The following BMPR1A variants were observed in gnomAD, a reference collection of about 807,000 sequenced individuals.
The protein encoded by BMPR1A is bone morphogenetic protein receptor type 1A, also known as bone morphogenetic protein receptor type-1A.
Under a neutral mutation model 66.0 loss-of-function variants are expected in BMPR1A, and 7 were observed. The observed-to-expected ratio is 0.11, with a 90% CI of 0.06 to 0.20. The LOEUF is 0.20. Among genes scored for constraint, BMPR1A ranks in the 10% least tolerant of loss-of-function variants. The pLI is 1.00. For synonymous variants in BMPR1A, 200 were observed against 229.7 expected (o/e 0.87, Z 1.17); for missense variants, 408 against 669.1 (o/e 0.61, Z 4.31).
At chr10:86,791,160 A>C (rs1185098885) in intron 1 of BMPR1A, among the ~76,000 whole-genome samples, 1 of 152,204 alleles carries the variant, frequency 6.6e-6, no homozygotes, top group Admixed American at 6.5e-5. Context: ...CCCAACTGAC[A>C]GAATTCCTTT....
chr10:86,837,253 G>GTGTGTGTGTGTC (rs1554883402), intron 1 of BMPR1A, among the ~76,000 whole-genome samples: 1 of 134,328 alleles, frequency 7.4e-6, no homozygotes, highest in Non-Finnish European at 1.7e-5. Context: ...GTGTCTGTGT[G>GTGTGTGTGTGTC]TGTGTGTGTG....
At chr10:86,838,266 C>A (rs1055686794) in intron 1 of BMPR1A, among the ~76,000 whole-genome samples, 3 of 152,240 alleles carry the variant, frequency 2.0e-5, no homozygotes, top group Admixed American at 6.5e-5. Flanking sequence ...TTTAATAGTT[C>A]TATCTTTTAG....
chr10:86,760,662 T>G (rs1289937175), intron 1 of BMPR1A, among the ~76,000 whole-genome samples: 2 of 152,110 alleles, frequency 1.3e-5, no homozygotes, highest in African/African-American at 4.8e-5. Context: ...ACAGTAGCTG[T>G]TGAACTGTCC....
intron 3 of BMPR1A, among the ~76,000 whole-genome samples, chr10:86,880,527 TA>T (rs1410187743): frequency 6.6e-6 from 1 of 152,228 alleles, no homozygotes; most frequent in Non-Finnish European, 1.5e-5. Context: ...ACCCAGGGCT[TA>T]AAACAGTGGC....
At chr10:86,764,799 C>CT (rs1841136951) in intron 1 of BMPR1A, among the ~76,000 whole-genome samples, 1 of 152,162 alleles carries the variant, frequency 6.6e-6, no homozygotes, top group South Asian at 2.1e-4. Flanking sequence ...TGTGGCTAGT[C>CT]TAAGTGTGAA....
At chr10:86,878,846 CCCCAAACAAAAT>C (rs1315657543) in intron 3 of BMPR1A, among the ~76,000 whole-genome samples, 1 of 151,940 alleles carries the variant, frequency 6.6e-6, no homozygotes. Context: ...TGTGTTGTTC[CCCCAAACAAAAT>C]CAGAGTTTGG....
chr10:86,767,065 G>A (rs889481306), intron 1 of BMPR1A, among the ~76,000 whole-genome samples: 1 of 152,004 alleles, frequency 6.6e-6, no homozygotes, highest in African/African-American at 2.4e-5. Flanking sequence ...CTCGTGATCC[G>A]CCCGCCTTGG....
chr10:86,821,676 A>G (rs17232010), intron 1 of BMPR1A, among the ~76,000 whole-genome samples: 8,480 of 152,240 alleles, frequency 0.056, 386 homozygotes, highest in Non-Finnish European at 0.078. Context: ...CTAAAAGTGA[A>G]TAACAATATG....
intron 1 of BMPR1A, among the ~76,000 whole-genome samples, chr10:86,764,883 T>C (rs1841138232): frequency 6.6e-6 from 1 of 152,172 alleles, no homozygotes; most frequent in Admixed American, 6.5e-5. Flanking sequence ...ATTGGTTATA[T>C]AGTGAGATGA....
intron 1 of BMPR1A, among the ~76,000 whole-genome samples, chr10:86,827,584 T>G (rs959584665): frequency 2.6e-5 from 4 of 152,210 alleles, no homozygotes; most frequent in African/African-American, 4.8e-5. Context: ...CTTGGGTGTA[T>G]ACACCATCAG....
rs1462602717 is a variant in BMPR1A at position 86,921,557 on chromosome 10, G to A, written c.1204G>A (p.Val402Met). The A allele has an allele frequency of 3.7e-6, 6 of 1,614,032 alleles. No individual in the cohort carries two copies. The highest frequency in any genetic ancestry group is 2.2e-5 in the East Asian group (1 of 44,872). The change falls in exon 11 of 13, where the codon GTG becomes ATG. Residue 402 changes from valine to methionine, a missense_variant. Transcript: ENST00000372037. ...AGTTGATGTGCCCTTGAATACCAGG[G>A]TGGGCACCAAACGCTACATGGCTCC... ...NEVDVPLNTRVGTKRYMAPEV... is the reference protein window; with the variant it reads ...NEVDVPLNTRMGTKRYMAPEV...
At chr10:86,847,770 A>C (rs983739956) in intron 2 of BMPR1A, among the ~76,000 whole-genome samples, 25 of 151,958 alleles carry the variant, frequency 1.6e-4, no homozygotes, top group African/African-American at 5.8e-4. Flanking sequence ...AAAGCCTTTT[A>C]GTCCCTCTTC....
intron 2 of BMPR1A, among the ~76,000 whole-genome samples, chr10:86,857,887 G>A (rs937495020): frequency 2.6e-5 from 4 of 151,818 alleles, no homozygotes; most frequent in Admixed American, 2.0e-4. Flanking sequence ...CAAACTCCTG[G>A]TCTCAAGCAG....
intron 1 of BMPR1A, among the ~76,000 whole-genome samples, chr10:86,798,311 A>G (rs1026428687): frequency 1.6e-4 from 24 of 152,176 alleles, no homozygotes; most frequent in African/African-American, 5.5e-4. Flanking sequence ...AACTAATACT[A>G]AGTTTTTACA....
intron 2 of BMPR1A, among the ~76,000 whole-genome samples, chr10:86,845,733 C>T (rs1842474786): frequency 6.6e-6 from 1 of 152,210 alleles, no homozygotes; most frequent in South Asian, 2.1e-4. Flanking sequence ...TGCAGTGGCT[C>T]ACGCCTGTAA....
intron 1 of BMPR1A, among the ~76,000 whole-genome samples, chr10:86,820,713 A>G (rs1284477289): frequency 6.6e-6 from 1 of 152,108 alleles, no homozygotes; most frequent in Non-Finnish European, 1.5e-5. Context: ...ATGCTAGTTG[A>G]TGCCTGTTTA....
chr10:86,828,618 G>A (rs1842228346), intron 1 of BMPR1A, among the ~76,000 whole-genome samples: 1 of 152,046 alleles, frequency 6.6e-6, no homozygotes, highest in African/African-American at 2.4e-5. Flanking sequence ...TAGCAGATCT[G>A]GTGAACCCTT....
chr10:86,865,944 C>G (rs1248039142), intron 2 of BMPR1A, among the ~76,000 whole-genome samples: 1 of 152,172 alleles, frequency 6.6e-6, no homozygotes, highest in Non-Finnish European at 1.5e-5. Context: ...TAGTAGGCAC[C>G]ACTGGGCCTA....
chr10:86,886,522 G>C (rs911150784), intron 3 of BMPR1A, among the ~76,000 whole-genome samples: 1 of 152,170 alleles, frequency 6.6e-6, no homozygotes, highest in Non-Finnish European at 1.5e-5. Context: ...ACTTTGGTAA[G>C]ACCAGGTTTG....
Sources: gnomAD v4.1 joint callset for allele counts (sites outside exome capture counted in the v4.1 genomes callset) on GRCh38, gnomAD v4.1.1 for gene constraint, MANE v1.5 for transcripts, NCBI Gene and HGNC (gene_info 2026-07-23, HGNC 2026-07-21) for gene names.